Variants in CHIC1 observed in about 807,000 individuals in gnomAD.
CHIC1 encodes the protein cysteine rich hydrophobic domain 1.
A neutral mutation model predicts 18.5 loss-of-function variants in CHIC1; 7 were observed. That is an observed-to-expected ratio of 0.38 (90% CI 0.22 to 0.71). CHIC1 has a LOEUF of 0.71. CHIC1 is among the 30% of genes least tolerant of loss of function. The pLI is 0.49. For synonymous variants in CHIC1, 77 were observed against 73.5 expected (o/e 1.05, Z -0.25); for missense variants, 159 against 176.9 (o/e 0.90, Z 0.57).
At chrX:73,618,984 T>G (rs747956543) in intron 3 of CHIC1, among the ~76,000 whole-genome samples, 4 of 112,172 alleles carry the variant, frequency 3.6e-5, no homozygotes, top group Admixed American at 1.9e-4. Flanking sequence ...TCCTGCTGCT[T>G]CTTCTACCCC....
At chrX:73,680,098 CTTT>C (rs60843988) in intron 5 of CHIC1, among the ~76,000 whole-genome samples, 2 of 85,992 alleles carry the variant, frequency 2.3e-5, no homozygotes, top group Non-Finnish European at 4.7e-5. Context: ...CTATTACTGG[CTTT>C]TTTTTTTTTT....
intron 3 of CHIC1, among the ~76,000 whole-genome samples, chrX:73,639,832 A>G (rs1051103925): frequency 9.0e-6 from 1 of 111,225 alleles, no homozygotes; most frequent in Non-Finnish European, 1.9e-5. Context: ...TCTCAGCTTG[A>G]ATGTTGTTAG....
chrX:73,663,670 T>G (rs2057991434), intron 3 of CHIC1, among the ~76,000 whole-genome samples: 2 of 110,923 alleles, frequency 1.8e-5, no homozygotes, highest in Non-Finnish European at 1.9e-5. Flanking sequence ...AGAAAAATTT[T>G]TATTTCCAAG....
chrX:73,598,619 A>G (rs2057624369), intron 3 of CHIC1, among the ~76,000 whole-genome samples: 1 of 108,088 alleles, frequency 9.3e-6, no homozygotes, highest in African/African-American at 3.4e-5. Context: ...ACTGAGAATG[A>G]TGCTTTCCAA....
At chrX:73,621,360 C>G (rs761647127) in intron 3 of CHIC1, among the ~76,000 whole-genome samples, 146 of 111,842 alleles carry the variant, frequency 1.3e-3, no homozygotes, top group African/African-American at 4.4e-3. Flanking sequence ...TTTTTGGTGT[C>G]CTCTCTTTTC....
At chrX:73,623,800 C>G (rs192580733) in intron 3 of CHIC1, among the ~76,000 whole-genome samples, 130 of 111,827 alleles carry the variant, frequency 1.2e-3, no homozygotes, top group African/African-American at 3.9e-3. Flanking sequence ...GTCACATGAA[C>G]TAAAAGGCAT....
chrX:73,666,071 G>A (rs755365758), intron 3 of CHIC1, among the ~76,000 whole-genome samples: 1 of 111,597 alleles, frequency 9.0e-6, no homozygotes, highest in South Asian at 3.8e-4. Context: ...TTTGCTCTCA[G>A]GCTCTGGATA....
intron 3 of CHIC1, among the ~76,000 whole-genome samples, chrX:73,586,519 A>G (rs1291734436): frequency 9.0e-6 from 1 of 111,509 alleles, no homozygotes; most frequent in East Asian, 2.8e-4. Flanking sequence ...ATAATTAAGA[A>G]TTTTTATACA....
intron 3 of CHIC1, among the ~76,000 whole-genome samples, chrX:73,673,366 C>A (rs1031287911): frequency 8.0e-5 from 9 of 111,868 alleles, no homozygotes; most frequent in South Asian, 3.8e-4. Context: ...GATACTGATT[C>A]TTCCTACCCA....
intron 3 of CHIC1, among the ~76,000 whole-genome samples, chrX:73,670,096 G>T (rs995019811): frequency 2.7e-5 from 3 of 111,746 alleles, no homozygotes; most frequent in African/African-American, 9.8e-5. Flanking sequence ...GTTGCAAAGA[G>T]CCGTGAGAGA....
intron 3 of CHIC1, among the ~76,000 whole-genome samples, chrX:73,672,225 A>G (rs1429013156): frequency 8.9e-6 from 1 of 111,933 alleles, no homozygotes; most frequent in Non-Finnish European, 1.9e-5. Flanking sequence ...GCCACTATAA[A>G]CATACGTGTG....
At chrX:73,577,698 T>A (rs1434763449) in intron 2 of CHIC1, among the ~76,000 whole-genome samples, 1 of 110,715 alleles carries the variant, frequency 9.0e-6, no homozygotes, top group African/African-American at 3.3e-5. Flanking sequence ...TTCAGCTTTT[T>A]CACTTTTGCA....
intron 3 of CHIC1, among the ~76,000 whole-genome samples, chrX:73,678,994 A>G (rs755159396): frequency 8.9e-6 from 1 of 112,245 alleles, no homozygotes; most frequent in Non-Finnish European, 1.9e-5. Context: ...TAAATGGACT[A>G]CTAAAATCTC....
At chrX:73,575,436 T>C (rs1332431002) in intron 1 of CHIC1, among the ~76,000 whole-genome samples, 5 of 109,882 alleles carry the variant, frequency 4.6e-5, no homozygotes, top group African/African-American at 3.3e-5. Flanking sequence ...GTGAACATCA[T>C]AGAGTGTACT....
chrX:73,659,996 A>ATGCCTG (rs1408160941), intron 3 of CHIC1, among the ~76,000 whole-genome samples: 1 of 111,939 alleles, frequency 8.9e-6, no homozygotes, highest in African/African-American at 3.2e-5. Flanking sequence ...CTCCAGTCTA[A>ATGCCTG]GATGTTATAA....
chrX:73,633,676 G>T (rs1221334406), intron 3 of CHIC1, among the ~76,000 whole-genome samples: 1 of 109,380 alleles, frequency 9.1e-6, no homozygotes, highest in Non-Finnish European at 1.9e-5. Flanking sequence ...GTTTATATTG[G>T]TTCACTTGCT....
At chrX:73,672,906 A>G (rs1360113892) in intron 3 of CHIC1, among the ~76,000 whole-genome samples, 1 of 111,946 alleles carries the variant, frequency 8.9e-6, no homozygotes, top group Non-Finnish European at 1.9e-5. Context: ...TAGGTCTAAC[A>G]TGTAAGTCTT....
intron 3 of CHIC1, among the ~76,000 whole-genome samples, chrX:73,621,109 G>A (rs1480373671): frequency 8.9e-6 from 1 of 111,864 alleles, no homozygotes; most frequent in Non-Finnish European, 1.9e-5. Context: ...TAGCCTTGCA[G>A]TATAGTTTGA....
intron 3 of CHIC1, among the ~76,000 whole-genome samples, chrX:73,596,156 G>A (rs1287589775): frequency 9.0e-6 from 1 of 111,538 alleles, no homozygotes; most frequent in Non-Finnish European, 1.9e-5. Flanking sequence ...AACTTCTAAA[G>A]CTGATAAGCA....
Sources: allele counts gnomAD v4.1 joint callset (sites outside exome capture counted in the v4.1 genomes callset), GRCh38; gene constraint gnomAD v4.1.1; transcripts MANE v1.5; gene names NCBI Gene and HGNC (gene_info 2026-07-23, HGNC 2026-07-21).